The following NBEA variants were observed in gnomAD, a reference collection of about 807,000 sequenced individuals.
NBEA encodes the protein neurobeachin, also known as lysosomal-trafficking regulator 2.
NBEA carries 44 observed loss-of-function variants against 343.4 expected under a neutral mutation model. That is an observed-to-expected ratio of 0.13 (90% CI 0.10 to 0.16). NBEA has a LOEUF of 0.16. Ranked by LOEUF, NBEA falls within the 10% of genes least tolerant of loss-of-function variation. The pLI, the probability that NBEA is intolerant of heterozygous loss-of-function variation, is 1.00. For missense variants in NBEA, 2,555 were observed against 3,631.3 expected, an observed-to-expected ratio of 0.70 and a Z score of 7.62; for synonymous variants, 1,175 against 1,238.7, an observed-to-expected ratio of 0.95 and a Z score of 1.08.
chr13:35,668,545 A>G (rs1304892235), intron 58 of NBEA, 26 bp downstream of exon 58: 1 of 1,549,084 alleles, frequency 6.5e-7, no homozygotes, highest in East Asian at 2.3e-5. Flanking sequence ...GACAAGTATC[A>G]TCACTGAGAA....
chr13:35,264,610 TG>T (rs34227187), intron 34 of NBEA, among the ~76,000 whole-genome samples: 126,365 of 151,864 alleles, frequency 0.83, 52,782 homozygotes, highest in South Asian at 0.94. Flanking sequence ...AATCAATAAA[TG>T]GTGATACATC....
intron 47 of NBEA, among the ~76,000 whole-genome samples, chr13:35,594,947 T>TCTCA (rs1555312575): frequency 9.0e-6 from 1 of 111,052 alleles, no homozygotes; most frequent in African/African-American, 3.2e-5. Context: ...TTTGACATCA[T>TCTCA]CACACACACA....
intron 8 of NBEA, among the ~76,000 whole-genome samples, chr13:35,060,646 A>G (rs1365701304): frequency 6.6e-6 from 1 of 151,756 alleles, no homozygotes; most frequent in Admixed American, 6.6e-5. Context: ...CATTTTCTCA[A>G]TTTGTAAATA....
intron 35 of NBEA, among the ~76,000 whole-genome samples, chr13:35,304,331 CTGTGTGTGTG>C (rs375468846): frequency 2.5e-4 from 37 of 148,996 alleles, no homozygotes; most frequent in Admixed American, 1.4e-3. Flanking sequence ...AAGCAATTCT[CTGTGTGTGTG>C]TGTGTGTGTG....
Position 34,942,883 on chromosome 13 carries a change from C to T in NBEA, c.63C>T (p.Ala21=), listed in dbSNP as rs559014601. ...GLEPQPVGLI[A]VGAAGGGGGG... is the part of the protein sequence containing the mutation. ...AGCCTCAGCCCGTGGGGCTCATTGC[C>T]GTCGGGGCCGCTGGCGGAGGCGGCG... The change falls in exon 1 of 59, where the codon GCC becomes GCT. Residue 21 remains alanine, a synonymous_variant. Transcript: ENST00000379939. The T allele has an allele frequency of 2.1e-6, 3 of 1,446,390 alleles. No individual in the cohort carries two copies. The highest frequency in any genetic ancestry group is 2.7e-5 in the East Asian group (1 of 37,032). The allele number at this position is 1,446,390 out of a possible 1,614,324, so 89.6% of individuals were successfully genotyped here.
At chr13:35,374,833 T>TA (rs2041650072) in intron 38 of NBEA, among the ~76,000 whole-genome samples, 1 of 152,088 alleles carries the variant, frequency 6.6e-6, no homozygotes, top group African/African-American at 2.4e-5. Context: ...ACCATTTACT[T>TA]ACGGTTTTCC....
intron 45 of NBEA, among the ~76,000 whole-genome samples, chr13:35,580,006 A>G (rs768817848): frequency 3.9e-5 from 6 of 152,132 alleles, no homozygotes; most frequent in Non-Finnish European, 8.8e-5. Flanking sequence ...ATTTTTTTAC[A>G]TTAGTCACTT....
At chr13:35,268,830 TAGAC>T (rs1320043270) in intron 34 of NBEA, among the ~76,000 whole-genome samples, 2 of 152,004 alleles carry the variant, frequency 1.3e-5, no homozygotes, top group Non-Finnish European at 2.9e-5. Context: ...CTTGCAAAAA[TAGAC>T]AGAAATTATG....
intron 41 of NBEA, among the ~76,000 whole-genome samples, chr13:35,524,158 A>T (rs915524414): frequency 2.0e-5 from 3 of 152,322 alleles, no homozygotes; most frequent in Admixed American, 2.0e-4. Flanking sequence ...GTAAAGCCTC[A>T]CATTGCTCCC....
intron 30 of NBEA, among the ~76,000 whole-genome samples, chr13:35,189,012 C>T (rs544248078): frequency 2.4e-4 from 37 of 151,380 alleles, no homozygotes; most frequent in African/African-American, 7.8e-4. Flanking sequence ...CTCCACCTCC[C>T]GGGTTCAAGT....
chr13:34,981,539 C>T (rs1022501793), intron 1 of NBEA, among the ~76,000 whole-genome samples: 3 of 152,038 alleles, frequency 2.0e-5, no homozygotes, highest in Admixed American at 6.6e-5. Context: ...TAGGATAACC[C>T]CATGATGTAT....
intron 38 of NBEA, among the ~76,000 whole-genome samples, chr13:35,421,577 A>C (rs2044273998): frequency 6.6e-6 from 1 of 152,106 alleles, no homozygotes; most frequent in Non-Finnish European, 1.5e-5. Flanking sequence ...ACTCAGGAGG[A>C]AAAGGAAAGC....
At chr13:35,284,582 T>C in intron 34 of NBEA, among the ~76,000 whole-genome samples, 1 of 152,280 alleles carries the variant, frequency 6.6e-6, no homozygotes, top group African/African-American at 2.4e-5. Context: ...AATCTACCTA[T>C]ATACATCTTA....
At chr13:35,157,623 T>C (rs117690110) in intron 21 of NBEA, among the ~76,000 whole-genome samples, 6,959 of 152,210 alleles carry the variant, frequency 0.046, 240 homozygotes, top group Non-Finnish European at 0.067. Context: ...GACTTTTTTT[T>C]AAGAAGTCAG....
intron 41 of NBEA, among the ~76,000 whole-genome samples, chr13:35,486,593 G>A (rs2076309447): frequency 6.6e-6 from 1 of 151,966 alleles, no homozygotes; most frequent in African/African-American, 2.4e-5. Flanking sequence ...GGGTCACACA[G>A]GTAATTGCAG....
chr13:35,518,029 T>C (rs1335930760), intron 41 of NBEA, among the ~76,000 whole-genome samples: 1 of 152,220 alleles, frequency 6.6e-6, no homozygotes, highest in East Asian at 1.9e-4. Flanking sequence ...GTATTTTCTT[T>C]CCTAATTTAC....
intron 36 of NBEA, among the ~76,000 whole-genome samples, chr13:35,332,092 A>G (rs2038962194): frequency 6.6e-6 from 1 of 152,078 alleles, no homozygotes; most frequent in Non-Finnish European, 1.5e-5. Flanking sequence ...GCTGTATACT[A>G]TTGGTGATTT....
At chr13:35,599,815 T>TA (rs2081970636) in intron 47 of NBEA, among the ~76,000 whole-genome samples, 1 of 152,190 alleles carries the variant, frequency 6.6e-6, no homozygotes, top group South Asian at 2.1e-4. Flanking sequence ...GTTACCAATT[T>TA]AAAAAATACT....
Position 35,646,367 on chromosome 13 carries a change from T to C in NBEA, c.7770+19T>C. On this transcript the variant is annotated intron_variant, in intron 51 of 58. Coordinates refer to ENST00000379939, the MANE Select transcript of NBEA (RefSeq NM_001385012.1). ...GCACCTGGTAAGACATATCAGCATG[T>C]TGAGATTTTTTTTTCTTTCCTTTTT... 6 of 1,587,982 alleles carry C rather than the reference T, an allele frequency of 3.8e-6. No individual in the cohort carries two copies. The Middle Eastern group carries it at 6.6e-4, about 176-fold the overall frequency.
Sources: gnomAD v4.1 joint callset for allele counts (sites outside exome capture counted in the v4.1 genomes callset) on GRCh38, gnomAD v4.1.1 for gene constraint, MANE v1.5 for transcripts, NCBI Gene and HGNC (gene_info 2026-07-23, HGNC 2026-07-21) for gene names.